The following PGM5 variants were observed in gnomAD, a reference collection of about 807,000 sequenced individuals.
PGM5 encodes phosphoglucomutase-like protein 5.
Under a neutral mutation model 59.2 loss-of-function variants are expected in PGM5, and 23 were observed. The ratio of observed to expected loss-of-function variants is 0.39; its 90% confidence interval spans 0.28 to 0.55. The LOEUF is 0.55. Among genes scored for constraint, PGM5 ranks in the 20% least tolerant of loss-of-function variants. PGM5 has a pLI of 0.66. For synonymous variants in PGM5, 214 were observed against 286.0 expected (o/e 0.75, Z 2.54); for missense variants, 574 against 748.3 (o/e 0.77, Z 2.72).
In PGM5 at chr9:68,493,401, G is replaced by C. The variant is rs113246889; in HGVS notation, c.1480-5826G>C. Among the ~76,000 whole-genome samples, 259 of 152,236 alleles carry C rather than the reference G, an allele frequency of 1.7e-3. 2 individuals are homozygous for C. Among genetic ancestry groups the C allele is most frequent in the African/African-American group, 6.0e-3 (248 of 41,534 alleles). ...ACATAAGATATTGTTCAGATATTTC[G>C]CATGAGAAGCAATGTGTGAATATCA... On this transcript the variant is annotated intron_variant, in intron 9 of 10. Transcript: ENST00000396396.
At chr9:68,461,535 T>C (rs1399879663) in intron 6 of PGM5, among the ~76,000 whole-genome samples, 1 of 152,158 alleles carries the variant, frequency 6.6e-6, no homozygotes, top group Non-Finnish European at 1.5e-5. Context: ...TGTGATAGTA[T>C]TCAGAGATAG....
In PGM5 at chr9:68,383,526, T is replaced by G. The variant is rs147323912; in HGVS notation, c.425-872T>G. 7.9e-5 allele frequency among the ~76,000 whole-genome samples: 12 copies of G among 152,022 alleles called. No homozygotes were observed. The East Asian group carries it at 2.1e-3, about 27-fold the overall frequency. ...GACAAGTAACTATTGTATTGGACAA[T>G]GCAGTTCTAAGGATTGAGATATTTT... On this transcript the variant is annotated intron_variant, in intron 2 of 10. Transcript: ENST00000396396.
At chr9:68,503,701 G>T (rs1824612794) in intron 10 of PGM5, among the ~76,000 whole-genome samples, 1 of 152,334 alleles carries the variant, frequency 6.6e-6, no homozygotes, top group Admixed American at 6.5e-5. Flanking sequence ...TGGAAGGAAA[G>T]AGGGAACATA....
chr9:68,458,364 G>T (rs1823810071), intron 6 of PGM5, among the ~76,000 whole-genome samples: 1 of 152,202 alleles, frequency 6.6e-6, no homozygotes, highest in African/African-American at 2.4e-5. Context: ...TCTAGGTAAA[G>T]CGGCAAAGGC....
intron 1 of PGM5, among the ~76,000 whole-genome samples, chr9:68,368,267 G>A (rs1354917920): frequency 2.0e-5 from 3 of 150,894 alleles, no homozygotes; most frequent in Non-Finnish European, 2.9e-5. Flanking sequence ...CTTGTGCTGC[G>A]TTGGATGGGT....
At chr9:68,379,771 A>G (rs1320472831) in intron 2 of PGM5, among the ~76,000 whole-genome samples, 4 of 152,030 alleles carry the variant, frequency 2.6e-5, no homozygotes, top group Non-Finnish European at 5.9e-5. Context: ...ATATGCCATG[A>G]AAACAGTTAC....
At chr9:68,392,687 T>A (rs1201754783) in intron 6 of PGM5, among the ~76,000 whole-genome samples, 3 of 152,148 alleles carry the variant, frequency 2.0e-5, no homozygotes, top group Admixed American at 1.3e-4. Flanking sequence ...AATTTAGACT[T>A]ATTTAGTCTC....
At chr9:68,526,924 A>G (rs1824984529) in intron 10 of PGM5, among the ~76,000 whole-genome samples, 2 of 152,248 alleles carry the variant, frequency 1.3e-5, no homozygotes, top group Admixed American at 6.5e-5. Flanking sequence ...TACAATAGGC[A>G]TTAACATATT....
In PGM5 at chr9:68,357,027, G is replaced by A. The variant is rs192866274; in HGVS notation, c.-101G>A. The A allele has an allele frequency of 1.0e-4, 127 of 1,244,314 alleles. No homozygotes were observed. The East Asian group carries it at 3.6e-3, about 35-fold the overall frequency. The allele number at this position is 1,244,314 out of a possible 1,614,324, so 77.1% of individuals were successfully genotyped here. A position where few individuals can be genotyped will look rare whatever the true frequency, so the allele number is the denominator to read the frequency against. On this transcript the variant is annotated 5_prime_UTR_variant, in exon 1 of 11. Transcript: ENST00000396396. The stretch of plus-strand genomic sequence containing the variant: ...CCTGCTGGAGAGGGGGCCCGGGCGC[G>A]AGGCGGAGTCCCGGCGCGCAGCCAG...
intron 6 of PGM5, among the ~76,000 whole-genome samples, chr9:68,395,472 T>C (rs1563992063): frequency 6.6e-6 from 1 of 152,146 alleles, no homozygotes; most frequent in Non-Finnish European, 1.5e-5. Context: ...CATCTCAATT[T>C]CTACCAAAGC....
intron 7 of PGM5, among the ~76,000 whole-genome samples, chr9:68,468,009 A>AATCC (rs200258161): frequency 0.012 from 1,747 of 148,308 alleles, 35 homozygotes; most frequent in African/African-American, 0.043. Context: ...TAAAACCTAC[A>AATCC]ACCCACCCTC....
chr9:68,428,004 A>G (rs1001205956), intron 6 of PGM5, among the ~76,000 whole-genome samples: 6 of 152,182 alleles, frequency 3.9e-5, no homozygotes, highest in African/African-American at 1.4e-4. Flanking sequence ...ATGAGTTAGA[A>G]TGTTGTGGCT....
intron 1 of PGM5, among the ~76,000 whole-genome samples, chr9:68,359,022 T>C (rs2131967673): frequency 6.6e-6 from 1 of 152,336 alleles, no homozygotes; most frequent in South Asian, 2.1e-4. Context: ...ATGGGAGCTC[T>C]CATACTTCTT....
At chr9:68,478,298 A>G (rs1824137367) in intron 7 of PGM5, among the ~76,000 whole-genome samples, 1 of 152,200 alleles carries the variant, frequency 6.6e-6, no homozygotes, top group Non-Finnish European at 1.5e-5. Flanking sequence ...CTATATGAAT[A>G]GCTGTAGGAT....
At chr9:68,420,089 G>A (rs1266347148) in intron 6 of PGM5, among the ~76,000 whole-genome samples, 1 of 152,132 alleles carries the variant, frequency 6.6e-6, no homozygotes, top group African/African-American at 2.4e-5. Context: ...CGTACACCTA[G>A]AGGAATTCCT....
rs782266902 is a variant in PGM5, at chr9:68,483,944, T to G, written c.1375T>G (p.Phe459Val). Residue 459 changes from phenylalanine to valine, a missense_variant, in exon 9 of 11, where the codon TTC becomes GTC. Physicochemically the swap from Phe to Val is conservative, Grantham distance 50. Around this residue, in one of 7 missense-constraint regions of PGM5, gnomAD observed 300 missense variants for 280.0 expected, o/e 1.07. Coordinates refer to ENST00000396396, the MANE Select transcript of PGM5 (RefSeq NM_021965.4). Reference sequence around the variant, plus strand: ...GGAGGCCCTGGTCACAGACAAATCCTTCATTGGCCAGCAGTTTGCTGTGGG... The same window carrying G: ...GGAGGCCCTGGTCACAGACAAATCCGTCATTGGCCAGCAGTTTGCTGTGGG... ...DLEALVTDKS[F>V]IGQQFAVGSH... The G allele has an allele frequency of 2.5e-6, 4 of 1,614,158 alleles. No individual in the cohort carries two copies. The Admixed American group carries it at 6.7e-5, about 27-fold the overall frequency.
At chr9:68,458,375 C>T (rs1554685105) in intron 6 of PGM5, among the ~76,000 whole-genome samples, 1 of 152,148 alleles carries the variant, frequency 6.6e-6, no homozygotes, top group Non-Finnish European at 1.5e-5. Flanking sequence ...CGGCAAAGGC[C>T]CATGGGGTTG....
At chr9:68,517,635 G>T (rs1275411649) in intron 10 of PGM5, among the ~76,000 whole-genome samples, 1 of 152,142 alleles carries the variant, frequency 6.6e-6, no homozygotes, top group African/African-American at 2.4e-5. Context: ...GCTCAAGGTT[G>T]CCAGGTTTTC....
rs1554678987 is a variant in PGM5, at chr9:68,387,587, A to G, written c.696A>G (p.Gly232=). The G allele has an allele frequency of 1.9e-6, 3 of 1,611,686 alleles. No individual in the cohort carries two copies. The highest frequency in any genetic ancestry group is 2.5e-6 in the Non-Finnish European group (3 of 1,178,336). Reference sequence around the variant, plus strand: ...AGATTCGCATTGACGCAATGCACGGAGGTAAGCTTGTGATTTTCTCCAAAT... The same window carrying G: ...AGATTCGCATTGACGCAATGCACGGGGGTAAGCTTGTGATTTTCTCCAAAT... The part of the protein sequence containing the change: ...QLKIRIDAMH[G]VMGPYVRKVL... Residue 232 remains glycine (G), a splice_region_variant and synonymous_variant, in exon 4 of 11, where the codon GGA becomes GGG. Transcript: ENST00000396396.
Sources: gnomAD v4.1 joint callset for allele counts (sites outside exome capture counted in the v4.1 genomes callset) on GRCh38, gnomAD v4.1.1 for gene constraint, gnomAD v4.1.1 regional missense constraint, MANE v1.5 for transcripts, NCBI Gene and HGNC (gene_info 2026-07-23, HGNC 2026-07-21) for gene names.